EXOC4: variants seen among roughly 807,000 people sequenced by gnomAD.
EXOC4 encodes exocyst complex component 4.
EXOC4 carries 71 observed loss-of-function variants against 107.2 expected under a neutral mutation model. That is an observed-to-expected ratio of 0.66 (90% CI 0.55 to 0.81). The LOEUF (loss-of-function observed/expected upper bound fraction) is 0.81, where lower values mean the gene tolerates loss of function less well. Among genes scored for constraint, EXOC4 ranks in the 30% least tolerant of loss-of-function variants. EXOC4 has a pLI of 0.00. For missense variants in EXOC4, 1,108 were observed against 1,189.6 expected (o/e 0.93, Z 1.01); for synonymous variants, 456 against 441.2 (o/e 1.03, Z -0.42).
chr7:133,651,549 C>T (rs1474825823), intron 10 of EXOC4, among the ~76,000 whole-genome samples: 3 of 152,212 alleles, frequency 2.0e-5, no homozygotes, highest in Non-Finnish European at 4.4e-5. Flanking sequence ...AGTGCTTAGC[C>T]TCATAGCATT....
intron 11 of EXOC4, among the ~76,000 whole-genome samples, chr7:133,831,190 C>T (rs978629073): frequency 6.6e-6 from 1 of 152,100 alleles, no homozygotes; most frequent in African/African-American, 2.4e-5. Flanking sequence ...GTCTCGAACC[C>T]CTGACTTCGT....
At chr7:133,481,673 A>G (rs1315939928) in intron 9 of EXOC4, among the ~76,000 whole-genome samples, 1 of 152,214 alleles carries the variant, frequency 6.6e-6, no homozygotes, top group Non-Finnish European at 1.5e-5. Flanking sequence ...AAAGCCTAGA[A>G]GTATGTTTAG....
chr7:133,714,326 G>A lies in EXOC4; in HGVS notation c.1514+84185G>A, dbSNP rs555041035. On this transcript the variant is annotated intron_variant, in intron 10 of 17. Coordinates refer to ENST00000253861, the MANE Select transcript of EXOC4 (RefSeq NM_021807.4). ...GCCTACTGACGGAGAGGTCACCTTG[G>A]ATGTTTCTTCCATAGTCTGTATTGT... Among the ~76,000 whole-genome samples, 6 of 152,214 alleles carry A rather than the reference G, an allele frequency of 3.9e-5. No individual in the cohort carries two copies. The South Asian group carries it at 6.2e-4, about 16-fold the overall frequency.
intron 9 of EXOC4, among the ~76,000 whole-genome samples, chr7:133,615,134 A>G (rs1244351490): frequency 1.3e-5 from 2 of 152,086 alleles, no homozygotes; most frequent in African/African-American, 2.4e-5. Flanking sequence ...TTGTTAGAGA[A>G]ATGAAAAAGC....
intron 11 of EXOC4, among the ~76,000 whole-genome samples, chr7:133,845,648 G>T (rs1798112013): frequency 6.6e-6 from 1 of 151,762 alleles, no homozygotes; most frequent in Non-Finnish European, 1.5e-5. Context: ...CTCAGCCATG[G>T]GCATCTCACT....
intron 10 of EXOC4, among the ~76,000 whole-genome samples, chr7:133,752,736 T>C (rs947904588): frequency 2.6e-5 from 4 of 152,220 alleles, no homozygotes; most frequent in African/African-American, 9.6e-5. Flanking sequence ...TCTTTTTTGA[T>C]GGGGTATGGA....
At chr7:133,401,791 T>C (rs953708707) in intron 7 of EXOC4, among the ~76,000 whole-genome samples, 1 of 152,178 alleles carries the variant, frequency 6.6e-6, no homozygotes, top group Non-Finnish European at 1.5e-5. Context: ...AATCTTGACA[T>C]AAGTTTACCT....
chr7:133,646,181 A>G (rs909887403), intron 10 of EXOC4, among the ~76,000 whole-genome samples: 1 of 152,224 alleles, frequency 6.6e-6, no homozygotes, highest in African/African-American at 2.4e-5. Flanking sequence ...TGAACATCAC[A>G]AAGGCTGTCA....
At chr7:133,362,134 T>C (rs1796149897) in intron 6 of EXOC4, among the ~76,000 whole-genome samples, 1 of 152,148 alleles carries the variant, frequency 6.6e-6, no homozygotes. Context: ...TTTATGAGGG[T>C]ATATTTATCA....
At chr7:133,919,207 C>G (rs1462416302) in intron 13 of EXOC4, among the ~76,000 whole-genome samples, 2 of 152,084 alleles carry the variant, frequency 1.3e-5, no homozygotes, top group African/African-American at 4.8e-5. Flanking sequence ...GTCTCTCTCC[C>G]CACCTTTATT....
At chr7:134,049,590 C>T (rs1795733414) in intron 17 of EXOC4, among the ~76,000 whole-genome samples, 1 of 152,216 alleles carries the variant, frequency 6.6e-6, no homozygotes, top group South Asian at 2.1e-4. Flanking sequence ...CCTGGCTGCT[C>T]TCAGAAACCT....
chr7:133,755,309 T>TATATTATATATATTATATAC, intron 10 of EXOC4, among the ~76,000 whole-genome samples: 1 of 92,882 alleles, frequency 1.1e-5, no homozygotes, highest in Admixed American at 1.2e-4. Context: ...ATATTATATA[T>TATATTATATATATTATATAC]ATATTATATA....
intron 15 of EXOC4, among the ~76,000 whole-genome samples, chr7:134,000,328 T>C (rs961583943): frequency 6.6e-6 from 1 of 152,162 alleles, no homozygotes; most frequent in Non-Finnish European, 1.5e-5. Flanking sequence ...CATGCCACTC[T>C]AGTATAATAA....
chr7:133,987,250 C>A lies in EXOC4; in HGVS notation c.2207-10242C>A, dbSNP rs554492091. 2.6e-5 allele frequency among the ~76,000 whole-genome samples: 4 copies of A among 152,128 alleles called. No homozygotes were observed. In the East Asian group the frequency reaches 7.7e-4, roughly 29 times the overall value. ...CTGAGGTGAGAAAATCATTTGACCC[C>A]AAGAGTTTGAGACCAGCGTAGGCAA... On this transcript the variant is annotated intron_variant, in intron 14 of 17. Coordinates refer to ENST00000253861, the MANE Select transcript of EXOC4 (RefSeq NM_021807.4).
chr7:133,910,245 T>C (rs930600693), intron 12 of EXOC4, among the ~76,000 whole-genome samples: 1 of 152,234 alleles, frequency 6.6e-6, no homozygotes, highest in African/African-American at 2.4e-5. Context: ...TATGAATTCT[T>C]GGTCCACTTC....
In EXOC4 at chr7:133,588,436, G is replaced by T. The variant is rs890741150; in HGVS notation, c.1418-41609G>T. Among the ~76,000 whole-genome samples, 6 of 152,142 alleles carry T rather than the reference G, an allele frequency of 3.9e-5. No homozygotes were observed. In the East Asian group the frequency reaches 1.2e-3, roughly 29 times the overall value. ...CTTATTTGTGGTTTTCTGTTTAGTG[G>T]TTAATAATTTGCTTACCATTAAGAA... On this transcript the variant is annotated intron_variant, in intron 9 of 17. Coordinates refer to ENST00000253861, the MANE Select transcript of EXOC4 (RefSeq NM_021807.4).
chr7:133,543,501 A>G (rs1215611594), intron 9 of EXOC4, among the ~76,000 whole-genome samples: 3 of 152,094 alleles, frequency 2.0e-5, no homozygotes, highest in Non-Finnish European at 4.4e-5. Flanking sequence ...CCCCTTGAAC[A>G]GCCTCATCCA....
intron 9 of EXOC4, among the ~76,000 whole-genome samples, chr7:133,513,131 T>C (rs551864531): frequency 1.7e-3 from 264 of 152,258 alleles, no homozygotes; most frequent in African/African-American, 5.9e-3. Flanking sequence ...AAATAAAGTA[T>C]GTGAAACTTT....
At chr7:134,060,855 A>AT (rs34447937) in intron 17 of EXOC4, among the ~76,000 whole-genome samples, 2 of 152,078 alleles carry the variant, frequency 1.3e-5, no homozygotes, top group East Asian at 1.9e-4. Context: ...TTATGGAGGA[A>AT]TTTTTTCTCT....
Sources: allele counts gnomAD v4.1 joint callset (sites outside exome capture counted in the v4.1 genomes callset), GRCh38; gene constraint gnomAD v4.1.1; transcripts MANE v1.5; gene names NCBI Gene and HGNC (gene_info 2026-07-23, HGNC 2026-07-21).